Variants in ITK observed in about 807,000 individuals in gnomAD.
The protein encoded by ITK is IL2 inducible T cell kinase.
A neutral mutation model predicts 87.6 loss-of-function variants in ITK; 45 were observed. That is an observed-to-expected ratio of 0.51 (90% CI 0.40 to 0.66). The LOEUF (loss-of-function observed/expected upper bound fraction) is 0.66. Ranked by LOEUF, ITK falls within the 30% of genes least tolerant of loss-of-function variation. The pLI, the probability that ITK is intolerant of heterozygous loss-of-function variation, is 0.00. For missense variants in ITK, 605 were observed against 766.3 expected, an observed-to-expected ratio of 0.79 and a Z score of 2.48; for synonymous variants, 303 against 273.6, an observed-to-expected ratio of 1.11 and a Z score of -1.06.
intron 11 of ITK, among the ~76,000 whole-genome samples, chr5:157,242,008 G>A (rs1754917808): frequency 6.6e-6 from 1 of 152,130 alleles, no homozygotes; most frequent in Non-Finnish European, 1.5e-5. Flanking sequence ...CCTACTAAAT[G>A]CTATTAGAAA....
intron 1 of ITK, among the ~76,000 whole-genome samples, chr5:157,198,938 AT>A (rs796200487): frequency 4.6e-5 from 7 of 151,900 alleles, no homozygotes; most frequent in African/African-American, 1.7e-4. Flanking sequence ...AACTTTTAAA[AT>A]TTTTTTGTAG....
intron 1 of ITK, among the ~76,000 whole-genome samples, chr5:157,201,658 C>T (rs1179096724): frequency 6.7e-6 from 1 of 148,644 alleles, no homozygotes; most frequent in East Asian, 2.0e-4. Flanking sequence ...ATAAATTACA[C>T]TATAAAGTGA....
At chr5:157,233,932 CATATATATATATATAT>C (rs201838461) in intron 8 of ITK, among the ~76,000 whole-genome samples, 240 of 21,524 alleles carry the variant, frequency 0.011, 7 homozygotes, top group Middle Eastern at 0.083. Context: ...CTTACTGATA[CATATATATATATATAT>C]ATATATATAT....
intron 8 of ITK, among the ~76,000 whole-genome samples, chr5:157,237,763 A>T (rs1260028951): frequency 1.3e-5 from 2 of 152,238 alleles, no homozygotes. Flanking sequence ...ACTCAGTGTC[A>T]TTGGCGGTTA....
At chr5:157,210,352 T>G (rs962770538) in intron 2 of ITK, among the ~76,000 whole-genome samples, 1 of 151,998 alleles carries the variant, frequency 6.6e-6, no homozygotes, top group African/African-American at 2.4e-5. Flanking sequence ...AGAAAAGAAC[T>G]TTTTTTCTAC....
intron 7 of ITK, among the ~76,000 whole-genome samples, chr5:157,229,326 G>A (rs1754600718): frequency 6.6e-6 from 1 of 152,130 alleles, no homozygotes; most frequent in Non-Finnish European, 1.5e-5. Context: ...TTACAAAGTG[G>A]AGGTAACTAG....
At chr5:157,209,359 G>C (rs867935552) in intron 2 of ITK, among the ~76,000 whole-genome samples, 6 of 151,330 alleles carry the variant, frequency 4.0e-5, no homozygotes, top group South Asian at 2.1e-4. Flanking sequence ...CTCAGTCACT[G>C]TGAGAGAGGG....
At chr5:157,186,790 G>A (rs1753653146) in intron 1 of ITK, among the ~76,000 whole-genome samples, 1 of 152,106 alleles carries the variant, frequency 6.6e-6, no homozygotes, top group African/African-American at 2.4e-5. Flanking sequence ...GGGACTGTCA[G>A]CATATCTATC....
chr5:157,243,971 A>T, intron 12 of ITK, 177 bp downstream of exon 12: 1 of 711,782 alleles, frequency 1.4e-6, no homozygotes, highest in Middle Eastern at 3.7e-4. Flanking sequence ...GGCCCACCAT[A>T]ATCTGATCAT....
chr5:157,218,427 C>T (rs1754342737), intron 5 of ITK, among the ~76,000 whole-genome samples: 1 of 151,036 alleles, frequency 6.6e-6, no homozygotes, highest in Non-Finnish European at 1.5e-5. Context: ...GGATCACTTA[C>T]TCCCAGGAGG....
intron 13 of ITK, 33 bp from the exon 14 acceptor site, chr5:157,245,693 C>T: frequency 6.3e-7 from 1 of 1,593,252 alleles, no homozygotes; most frequent in Non-Finnish European, 8.6e-7. Context: ...AACAGTTTTC[C>T]TCTCCGCCTT....
rs572973515 is a variant in ITK, at chr5:157,206,072, G to A, written c.139-2817G>A. 1.2e-3 allele frequency among the ~76,000 whole-genome samples: 175 copies of A among 145,322 alleles called. 1 individual carries two copies. The highest frequency in any genetic ancestry group is 3.7e-3 in the Middle Eastern group (1 of 270). On this transcript the variant is annotated intron_variant, in intron 1 of 16. Transcript: ENST00000422843. Reference sequence around the variant, plus strand: ...CTCACTGCAACTTCTGTCCACCTCAGCCTCCCGAGAAGCTGGGACTACAGG... The same window carrying A: ...CTCACTGCAACTTCTGTCCACCTCAACCTCCCGAGAAGCTGGGACTACAGG...
intron 11 of ITK, among the ~76,000 whole-genome samples, chr5:157,242,805 G>C (rs191403571): frequency 1.3e-5 from 2 of 152,264 alleles, no homozygotes; most frequent in African/African-American, 4.8e-5. Context: ...GATACAAGTG[G>C]TCAGAGGGCA....
chr5:157,196,367 G>A (rs1480684186), intron 1 of ITK, among the ~76,000 whole-genome samples: 2 of 151,960 alleles, frequency 1.3e-5, no homozygotes. Flanking sequence ...AATCTGATAG[G>A]GGTTTAAAAA....
chr5:157,234,681 C>A (rs1168600716), intron 8 of ITK, among the ~76,000 whole-genome samples: 1 of 152,022 alleles, frequency 6.6e-6, no homozygotes, highest in Admixed American at 6.6e-5. Flanking sequence ...AATAGAAAAC[C>A]AAACACTGCA....
rs1580878196 is a variant in ITK, at chr5:157,197,107, C to A, written c.139-11782C>A. 1.3e-5 allele frequency among the ~76,000 whole-genome samples: 2 copies of A among 152,230 alleles called. 1 individual carries two copies. ...TAAGAATGGGGCTTGGACATTATTC[C>A]TGAGTTATCATTTCACTTATAAGAT... On this transcript the variant is annotated intron_variant, in intron 1 of 16. Transcript: ENST00000422843.
At chr5:157,214,416 C>T (rs1754255565) in intron 4 of ITK, 97 bp downstream of exon 4, 2 of 974,456 alleles carry the variant, frequency 2.1e-6, no homozygotes, top group Non-Finnish European at 3.3e-6. Context: ...GAACAGAATG[C>T]AAAATTCTAC....
chr5:157,221,191 C>A (rs1431630842), intron 5 of ITK, among the ~76,000 whole-genome samples: 1 of 151,540 alleles, frequency 6.6e-6, no homozygotes, highest in Non-Finnish European at 1.5e-5. Flanking sequence ...CTTGCACTGG[C>A]AGGTAGGATC....
At chr5:157,243,881 A>G in intron 12 of ITK, 87 bp downstream of exon 12, 1 of 1,250,732 alleles carries the variant, frequency 8.0e-7, no homozygotes, top group Admixed American at 1.7e-5. Flanking sequence ...GCCAGGGGGT[A>G]CTATCTCCCT....
Sources: gnomAD v4.1 joint callset for allele counts (sites outside exome capture counted in the v4.1 genomes callset) on GRCh38, gnomAD v4.1.1 for gene constraint, MANE v1.5 for transcripts, NCBI Gene and HGNC (gene_info 2026-07-23, HGNC 2026-07-21) for gene names.